The following CNTN4 variants were observed in gnomAD, a reference collection of about 807,000 sequenced individuals.
CNTN4 encodes contactin-4.
A neutral mutation model predicts 122.5 loss-of-function variants in CNTN4; 77 were observed. The ratio of observed to expected loss-of-function variants is 0.63; its 90% CI spans 0.52 to 0.76. CNTN4 has a LOEUF of 0.76. CNTN4 is among the 30% of genes least tolerant of loss of function. CNTN4 has a pLI of 0.00. For synonymous variants in CNTN4, 512 were observed against 447.0 expected (o/e 1.15, Z -1.83); for missense variants, 1,256 against 1,259.1 (o/e 1.00, Z 0.04).
intron 2 of CNTN4, among the ~76,000 whole-genome samples, chr3:2,272,872 T>C (rs1198800292): frequency 1.3e-5 from 2 of 152,102 alleles, no homozygotes; most frequent in Admixed American, 6.6e-5. Context: ...GACTCTCAGA[T>C]GCTGCTTTTG....
intron 2 of CNTN4, among the ~76,000 whole-genome samples, chr3:2,217,824 G>A (rs1334953962): frequency 2.0e-5 from 3 of 152,166 alleles, no homozygotes; most frequent in Non-Finnish European, 4.4e-5. Flanking sequence ...CACCAGTTGA[G>A]ATATAAACAT....
chr3:2,634,359 T>A (rs1270406814), intron 4 of CNTN4, among the ~76,000 whole-genome samples: 2 of 152,230 alleles, frequency 1.3e-5, no homozygotes, highest in Non-Finnish European at 2.9e-5. Context: ...CGGCAATATT[T>A]GTTTAATATA....
intron 4 of CNTN4, among the ~76,000 whole-genome samples, chr3:2,661,809 CAAA>C (rs544079802): frequency 0.3 from 23,155 of 77,552 alleles, 1,998 homozygotes; most frequent in South Asian, 0.44. Context: ...AATTCCATCT[CAAA>C]AAAAAAAAAA....
At chr3:3,032,872 A>G (rs1285509357) in intron 16 of CNTN4, among the ~76,000 whole-genome samples, 2 of 152,216 alleles carry the variant, frequency 1.3e-5, no homozygotes, top group Non-Finnish European at 2.9e-5. Context: ...CCACTTCCCT[A>G]AAACAAAGTT....
chr3:2,981,249 C>G (rs956845539), intron 13 of CNTN4, among the ~76,000 whole-genome samples: 6 of 152,026 alleles, frequency 3.9e-5, no homozygotes, highest in Admixed American at 2.0e-4. Flanking sequence ...TCGAGACCAT[C>G]CTGGCTAACA....
At chr3:3,016,961 A>G (rs936125367) in intron 14 of CNTN4, among the ~76,000 whole-genome samples, 6 of 152,032 alleles carry the variant, frequency 3.9e-5, no homozygotes, top group South Asian at 2.1e-4. Context: ...TTCTGATGTC[A>G]TTTGTCAAGT....
intron 6 of CNTN4, among the ~76,000 whole-genome samples, chr3:2,818,129 G>A (rs1048040018): frequency 3.5e-4 from 54 of 152,168 alleles, no homozygotes; most frequent in South Asian, 4.1e-4. Context: ...CCAACAGGAC[G>A]GAAGCTGTGT....
intron 13 of CNTN4, among the ~76,000 whole-genome samples, chr3:2,974,182 A>G (rs1228456894): frequency 2.6e-5 from 4 of 152,202 alleles, no homozygotes; most frequent in Non-Finnish European, 1.5e-5. Flanking sequence ...TAGCTGGAAT[A>G]TAATACCTTA....
intron 23 of CNTN4, among the ~76,000 whole-genome samples, chr3:3,045,080 G>C (rs185625594): frequency 0.028 from 4,324 of 152,304 alleles, 103 homozygotes; most frequent in Non-Finnish European, 0.041. Flanking sequence ...GCAGCAGTGA[G>C]GCTGGGGGAG....
intron 4 of CNTN4, among the ~76,000 whole-genome samples, chr3:2,595,915 A>C (rs990553716): frequency 2.6e-5 from 4 of 152,220 alleles, no homozygotes; most frequent in African/African-American, 7.2e-5. Context: ...CGCCATGAGG[A>C]TTATGTATCA....
chr3:2,194,121 T>C (rs1429445942), intron 2 of CNTN4, among the ~76,000 whole-genome samples: 2 of 152,142 alleles, frequency 1.3e-5, no homozygotes, highest in Non-Finnish European at 2.9e-5. Flanking sequence ...TTCATCATCA[T>C]GTTGTCTGTC....
chr3:2,437,375 T>A (rs1256298548), intron 3 of CNTN4, among the ~76,000 whole-genome samples: 41 of 152,188 alleles, frequency 2.7e-4, no homozygotes, highest in Non-Finnish European at 1.5e-5. Context: ...CTCAGTTATC[T>A]TAATTTTCTT....
chr3:2,387,340 T>C (rs913639783), intron 3 of CNTN4, among the ~76,000 whole-genome samples: 12 of 152,160 alleles, frequency 7.9e-5, no homozygotes, highest in African/African-American at 2.9e-4. Context: ...GTTAGTTTTA[T>C]TATTCTTAAG....
At chr3:2,593,360 C>G (rs17564391) in intron 4 of CNTN4, among the ~76,000 whole-genome samples, 1 of 151,944 alleles carries the variant, frequency 6.6e-6, no homozygotes, top group Non-Finnish European at 1.5e-5. Context: ...CCTCTGTTAA[C>G]CTTCGCAATT....
chr3:2,701,195 C>G (rs2086338189), intron 4 of CNTN4, among the ~76,000 whole-genome samples: 1 of 152,130 alleles, frequency 6.6e-6, no homozygotes, highest in Non-Finnish European at 1.5e-5. Context: ...TGCTTCAGGC[C>G]TTCCTTGCCC....
At chr3:2,576,001 AT>A (rs1163808551) in intron 4 of CNTN4, among the ~76,000 whole-genome samples, 33 of 151,336 alleles carry the variant, frequency 2.2e-4, no homozygotes, top group Middle Eastern at 3.4e-3. Context: ...TGCCTGGCTA[AT>A]TTTTTTGTAT....
intron 2 of CNTN4, among the ~76,000 whole-genome samples, chr3:2,294,566 T>C (rs2042239645): frequency 6.6e-6 from 1 of 152,136 alleles, no homozygotes; most frequent in Non-Finnish European, 1.5e-5. Flanking sequence ...GGGAGGCAGA[T>C]GTTGCAGTGA....
At chr3:2,757,252 C>T (rs1456203453) in intron 6 of CNTN4, among the ~76,000 whole-genome samples, 1 of 152,160 alleles carries the variant, frequency 6.6e-6, no homozygotes, top group East Asian at 1.9e-4. Context: ...TTCCCTTTCC[C>T]GGGTATGTTT....
intron 7 of CNTN4, among the ~76,000 whole-genome samples, chr3:2,837,512 A>T (rs765263440): frequency 6.6e-6 from 1 of 152,158 alleles, no homozygotes; most frequent in Non-Finnish European, 1.5e-5. Context: ...CGTGCATTTC[A>T]TCTGCACACA....
Sources: gnomAD v4.1 joint callset for allele counts (sites outside exome capture counted in the v4.1 genomes callset) on GRCh38, gnomAD v4.1.1 for gene constraint, MANE v1.5 for transcripts, NCBI Gene and HGNC (gene_info 2026-07-23, HGNC 2026-07-21) for gene names.